Variants in ACTR3B observed in about 807,000 individuals in gnomAD.
The protein encoded by ACTR3B is actin-related protein 3B.
A neutral mutation model predicts 59.0 loss-of-function variants in ACTR3B; 8 were observed. The ratio of observed to expected loss-of-function variants is 0.14; its 90% CI spans 0.08 to 0.24. ACTR3B has a LOEUF of 0.24. Among genes scored for constraint, ACTR3B ranks in the 10% least tolerant of loss-of-function variants. The pLI, the probability that ACTR3B is intolerant of heterozygous loss-of-function variation, is 1.00. For synonymous variants in ACTR3B, 148 were observed against 197.9 expected, an observed-to-expected ratio of 0.75 and a Z score of 2.12; for missense variants, 245 against 552.3, an observed-to-expected ratio of 0.44 and a Z score of 5.58.
chr7:152,834,502 T>G (rs1797287291), intron 9 of ACTR3B, among the ~76,000 whole-genome samples: 1 of 152,234 alleles, frequency 6.6e-6, no homozygotes, highest in African/African-American at 2.4e-5. Flanking sequence ...TTTCATGAAC[T>G]GTAAATAGGT....
intron 7 of ACTR3B, among the ~76,000 whole-genome samples, chr7:152,822,284 A>G (rs1462217086): frequency 6.6e-6 from 1 of 152,226 alleles, no homozygotes; most frequent in Admixed American, 6.5e-5. Flanking sequence ...TGAGAGAGCC[A>G]TTCCTTCCAC....
intron 2 of ACTR3B, among the ~76,000 whole-genome samples, chr7:152,789,905 A>T (rs1393232603): frequency 4.0e-5 from 6 of 149,664 alleles, no homozygotes; most frequent in East Asian, 1.9e-4. Context: ...TTTTTTAATT[A>T]AAAAAATCAT....
chr7:152,840,497 C>T (rs1381102814), intron 9 of ACTR3B, among the ~76,000 whole-genome samples: 1 of 152,078 alleles, frequency 6.6e-6, no homozygotes, highest in African/African-American at 2.4e-5. Context: ...GCCCCAGCAC[C>T]AGACAGCGGG....
chr7:152,852,389 T>C, intron 10 of ACTR3B, 138 bp downstream of exon 10: 1 of 1,138,162 alleles, frequency 8.8e-7, no homozygotes, highest in Non-Finnish European at 1.2e-6. Flanking sequence ...TGAGCTGCAT[T>C]GTGACATGAC....
At chr7:152,808,477 A>G (rs1183336536) in intron 4 of ACTR3B, among the ~76,000 whole-genome samples, 1 of 151,774 alleles carries the variant, frequency 6.6e-6, no homozygotes, top group Non-Finnish European at 1.5e-5. Context: ...ATCATTTCAC[A>G]CTGAACTTAG....
intron 6 of ACTR3B, among the ~76,000 whole-genome samples, chr7:152,819,997 T>G (rs1188370212): frequency 1.3e-5 from 2 of 152,258 alleles, no homozygotes; most frequent in African/African-American, 4.8e-5. Flanking sequence ...CAGCATTTCT[T>G]TTTGGAAATG....
intron 6 of ACTR3B, 100 bp from the exon 7 acceptor site, chr7:152,820,199 G>A: frequency 1.3e-6 from 2 of 1,554,612 alleles, no homozygotes; most frequent in Non-Finnish European, 1.7e-6. Context: ...AGTGCCATGA[G>A]GGGCAGACAG....
chr7:152,783,958 C>G lies in ACTR3B; in HGVS notation c.100+716C>G, dbSNP rs182360546. Among the ~76,000 whole-genome samples the G allele has an allele frequency of 3.9e-3, 599 of 152,110 alleles. 6 individuals carry two copies. Among genetic ancestry groups the G allele is most frequent in the South Asian group, 0.039 (188 of 4,810 alleles). On this transcript the variant is annotated intron_variant, in intron 2 of 11. Transcript: ENST00000256001. ...TACAAAAATTAGTTGGGTGTGGTCG[C>G]AAGTACCTGTAATCCCAGCGACTCG...
At chr7:152,764,601 C>A (rs540509623) in intron 1 of ACTR3B, among the ~76,000 whole-genome samples, 1 of 150,068 alleles carries the variant, frequency 6.7e-6, no homozygotes, top group Non-Finnish European at 1.5e-5. Flanking sequence ...GAGCTGAGAT[C>A]GCGCCACTGC....
intron 4 of ACTR3B, among the ~76,000 whole-genome samples, chr7:152,802,818 T>C (rs1172476113): frequency 6.6e-6 from 1 of 152,208 alleles, no homozygotes; most frequent in Non-Finnish European, 1.5e-5. Context: ...AATTATCTGG[T>C]ATAAGAAATA....
chr7:152,785,408 A>G (rs1376908152), intron 2 of ACTR3B, among the ~76,000 whole-genome samples: 7 of 1,892 alleles, frequency 3.7e-3, no homozygotes, highest in African/African-American at 4.7e-3. Context: ...GGAGGGGGAG[A>G]GGGAGGGAGA....
At chr7:152,828,241 C>T (rs911288950) in intron 9 of ACTR3B, among the ~76,000 whole-genome samples, 1 of 151,910 alleles carries the variant, frequency 6.6e-6, no homozygotes, top group African/African-American at 2.4e-5. Flanking sequence ...GTCAGTGCTG[C>T]CTTTAGGAAA....
At chr7:152,853,695 C>A in intron 11 of ACTR3B, 118 bp downstream of exon 11, 1 of 832,286 alleles carries the variant, frequency 1.2e-6, no homozygotes, top group Admixed American at 2.3e-5. Flanking sequence ...TCTAAACAGA[C>A]CATTCTGTAA....
At position 152,759,907 on chromosome 7, in the gene ACTR3B, G is replaced by A; in HGVS notation, c.25G>A (p.Val9Met). The change falls in exon 1 of 12, where the codon GTG becomes ATG. Residue 9 changes from valine (V) to methionine (M), a missense_variant. Transcript: ENST00000256001. ...CATGGCAGGCTCCCTGCCTCCCTGC[G>A]TGGTGGACTGTGGCACCGGGTAAGA... is the stretch of plus-strand genomic sequence containing the variant. Reference protein sequence around the residue: MAGSLPPCVVDCGTGYTKL... With the variant: MAGSLPPCMVDCGTGYTKL... 2 of 1,393,618 alleles carry A rather than the reference G, an allele frequency of 1.4e-6. No individual in the cohort carries two copies. Among genetic ancestry groups the A allele is most frequent in the Admixed American group, 2.6e-5 (1 of 38,524 alleles). The allele number at this position is 1,393,618 out of a possible 1,614,324, so 86.3% of individuals were successfully genotyped here. A position where few individuals can be genotyped will look rare whatever the true frequency, so the allele number is the denominator to read the frequency against.
chr7:152,818,692 G>A (rs1590356081), intron 6 of ACTR3B, among the ~76,000 whole-genome samples: 4 of 152,178 alleles, frequency 2.6e-5, no homozygotes, highest in East Asian at 1.9e-4. Context: ...CAGGTGATCC[G>A]CCTGTCTTGG....
At chr7:152,809,823 G>A (rs1261655450) in intron 4 of ACTR3B, among the ~76,000 whole-genome samples, 1 of 152,118 alleles carries the variant, frequency 6.6e-6, no homozygotes, top group Non-Finnish European at 1.5e-5. Flanking sequence ...TTATAGGTGT[G>A]AGCCACTGCG....
At chr7:152,792,297 G>A (rs1427466262) in intron 2 of ACTR3B, among the ~76,000 whole-genome samples, 2 of 152,172 alleles carry the variant, frequency 1.3e-5, no homozygotes, top group East Asian at 1.9e-4. Context: ...TTTAGAAAAC[G>A]CAAGAGGAAA....
chr7:152,835,825 C>T (rs566028035), intron 9 of ACTR3B, among the ~76,000 whole-genome samples: 117 of 152,304 alleles, frequency 7.7e-4, no homozygotes, highest in Non-Finnish European at 1.5e-3. Flanking sequence ...ATAGTTCTGT[C>T]TCCCTACCCG....
intron 1 of ACTR3B, among the ~76,000 whole-genome samples, chr7:152,777,349 T>C (rs935444288): frequency 1.3e-5 from 2 of 152,170 alleles, no homozygotes; most frequent in Non-Finnish European, 2.9e-5. Flanking sequence ...ACTCTTCCTG[T>C]GTAAGATTAA....
Sources: allele counts gnomAD v4.1 joint callset (sites outside exome capture counted in the v4.1 genomes callset), GRCh38; gene constraint gnomAD v4.1.1; transcripts MANE v1.5; gene names NCBI Gene and HGNC (gene_info 2026-07-23, HGNC 2026-07-21).